The following CDC5L variants were observed in gnomAD, a reference collection of about 807,000 sequenced individuals.
The protein encoded by CDC5L is cell division cycle 5-like protein.
In CDC5L, 18 loss-of-function variants were observed where a neutral mutation model predicts 104.1. That is an observed-to-expected ratio of 0.17 (90% CI 0.12 to 0.26). The LOEUF (loss-of-function observed/expected upper bound fraction) is 0.26. Ranked by LOEUF, CDC5L falls within the 10% of genes least tolerant of loss-of-function variation. The probability of loss-of-function intolerance (pLI) is 1.00; values close to 1 mark genes in which losing one functional copy is unlikely to be tolerated. For missense variants in CDC5L, 673 were observed against 956.9 expected (o/e 0.70, Z 3.91); for synonymous variants, 331 against 322.7 (o/e 1.03, Z -0.28).
intron 4 of CDC5L, among the ~76,000 whole-genome samples, chr6:44,395,754 A>T (rs1449464921): frequency 2.0e-5 from 3 of 152,172 alleles, no homozygotes; most frequent in Non-Finnish European, 4.4e-5. Context: ...AGTATTTTAC[A>T]AGTTCCCATG....
chr6:44,435,538 A>G (rs979835474), intron 14 of CDC5L: 1 of 153,484 alleles, frequency 6.5e-6, no homozygotes, highest in African/African-American at 2.4e-5. Flanking sequence ...TCCACAGCTT[A>G]AATTTTTTCA....
chr6:44,412,011 A>G (rs1459324116), intron 8 of CDC5L, among the ~76,000 whole-genome samples: 1 of 152,178 alleles, frequency 6.6e-6, no homozygotes, highest in African/African-American at 2.4e-5. Context: ...AGTCCAGAAT[A>G]CAGACAGGAA....
chr6:44,430,865 C>T (rs560971844), intron 14 of CDC5L, among the ~76,000 whole-genome samples: 4 of 152,148 alleles, frequency 2.6e-5, no homozygotes, highest in African/African-American at 9.7e-5. Context: ...GCCACCATGC[C>T]CGGCTATGCC....
intron 8 of CDC5L, among the ~76,000 whole-genome samples, chr6:44,409,770 G>A (rs116936320): frequency 6.6e-6 from 1 of 152,204 alleles, no homozygotes; most frequent in East Asian, 1.9e-4. Flanking sequence ...CTTGTTTATA[G>A]CTTGTTCTTT....
At chr6:44,414,584 C>T (rs1791827482) in intron 8 of CDC5L, among the ~76,000 whole-genome samples, 1 of 151,818 alleles carries the variant, frequency 6.6e-6, no homozygotes, top group Non-Finnish European at 1.5e-5. Context: ...GATTCTCCCA[C>T]CCGAGTCTCC....
At chr6:44,436,288 G>A (rs1284612425) in intron 14 of CDC5L, among the ~76,000 whole-genome samples, 2 of 152,060 alleles carry the variant, frequency 1.3e-5, no homozygotes, top group Non-Finnish European at 2.9e-5. Flanking sequence ...TTAAACAATC[G>A]GGTGGCTAAG....
At chr6:44,405,183 A>G (rs1791310133) in intron 6 of CDC5L, among the ~76,000 whole-genome samples, 1 of 152,176 alleles carries the variant, frequency 6.6e-6, no homozygotes, top group African/African-American at 2.4e-5. Context: ...TGAATATTGT[A>G]GGGAGAGTAT....
chr6:44,443,807 A>G (rs982509112), intron 14 of CDC5L, among the ~76,000 whole-genome samples: 4 of 145,068 alleles, frequency 2.8e-5, no homozygotes, highest in South Asian at 2.2e-4. Context: ...TAAATCATAT[A>G]TCTCCAGTTC....
intron 4 of CDC5L, among the ~76,000 whole-genome samples, chr6:44,395,105 G>T (rs956954409): frequency 6.6e-6 from 1 of 152,166 alleles, no homozygotes; most frequent in Non-Finnish European, 1.5e-5. Context: ...AGATGCCAGA[G>T]GCTGGGTATG....
At chr6:44,392,579 TGA>T in intron 2 of CDC5L, 86 bp from the exon 3 acceptor site, 1 of 1,163,006 alleles carries the variant, frequency 8.6e-7, no homozygotes, top group Non-Finnish European at 1.2e-6. Context: ...AATTGAAGGA[TGA>T]GAGCACAAGT....
At chr6:44,432,179 A>G (rs1792717048) in intron 14 of CDC5L, among the ~76,000 whole-genome samples, 1 of 152,246 alleles carries the variant, frequency 6.6e-6, no homozygotes, top group East Asian at 1.9e-4. Flanking sequence ...TAGTTTTTGA[A>G]GACACAGTTC....
intron 5 of CDC5L, among the ~76,000 whole-genome samples, chr6:44,400,989 T>C (rs1358834951): frequency 6.6e-6 from 1 of 152,168 alleles, no homozygotes; most frequent in African/African-American, 2.4e-5. Flanking sequence ...CCAGCTCTTA[T>C]TCCCTGTTTC....
rs36064417 is a variant in CDC5L at position 44,393,572 on chromosome 6, G to A, written c.438G>A (p.Glu146=). The part of the protein sequence containing the change: ...PARPDPIDMD[E]DELEMLSEAR... ...GGCCTGATCCAATTGATATGGATGAGGGTAAGTGTATGCTTTGAGGAATTT... is the reference window on the plus strand; with the variant it reads ...GGCCTGATCCAATTGATATGGATGAAGGTAAGTGTATGCTTTGAGGAATTT... Residue 146 remains glutamate (E), a splice_region_variant and synonymous_variant, in exon 4 of 16, where the codon GAG becomes GAA. Transcript: ENST00000371477. 18,490 of 1,612,410 alleles carry A rather than the reference G, an allele frequency of 0.011. 137 individuals carry two copies. The highest frequency in any genetic ancestry group is 0.015 in the Middle Eastern group (89 of 6,046).
At chr6:44,438,693 C>CT (rs1325143296) in intron 14 of CDC5L, among the ~76,000 whole-genome samples, 4 of 124,762 alleles carry the variant, frequency 3.2e-5, no homozygotes, top group Non-Finnish European at 6.5e-5. Flanking sequence ...TTTTTAAACT[C>CT]TAACTCCATC....
intron 8 of CDC5L, among the ~76,000 whole-genome samples, chr6:44,416,965 A>AT (rs1287468408): frequency 3.9e-5 from 6 of 152,114 alleles, no homozygotes; most frequent in Non-Finnish European, 7.4e-5. Context: ...GAAATTCAAG[A>AT]TTTTTTTTCA....
At chr6:44,429,581 C>G in intron 13 of CDC5L, 132 bp from the exon 14 acceptor site, 1 of 677,558 alleles carries the variant, frequency 1.5e-6, no homozygotes, top group Non-Finnish European at 2.5e-6. Context: ...TGTTATCCAC[C>G]CTTCCAAAAA....
intron 8 of CDC5L, among the ~76,000 whole-genome samples, chr6:44,409,209 A>G (rs1791519350): frequency 6.6e-6 from 1 of 152,226 alleles, no homozygotes; most frequent in South Asian, 2.1e-4. Flanking sequence ...CAAGAAAAAC[A>G]CTTGTGCCCC....
rs1793575342 is a variant in CDC5L, at chr6:44,449,665, G to A, written c.*2954G>A. The A allele has an allele frequency of 6.6e-6, 1 of 152,044 alleles. No individual in the cohort carries two copies. Among genetic ancestry groups the A allele is most frequent in the Non-Finnish European group, 1.5e-5 (1 of 68,018 alleles). 9.4% of individuals were successfully genotyped at this position (152,044 alleles called of 1,614,324 possible). A position where few individuals can be genotyped will look rare whatever the true frequency, so the allele number is the denominator to read the frequency against. ...CTGAAAGAAACCACCACAAGGGAGA[G>A]TCCTTTTTGAAATATTAGAGACATA... On this transcript the variant is annotated 3_prime_UTR_variant, in exon 16 of 16. Transcript: ENST00000371477.
In CDC5L at chr6:44,447,932, T is replaced by C. The variant is rs1793510169; in HGVS notation, c.*1221T>C. ...AAGTATCAGACCATGAGTTTTAGAT[T>C]CTGTGGAGGAAATTAAAGTAGGGTG... On this transcript the variant is annotated 3_prime_UTR_variant, in exon 16 of 16. Coordinates refer to ENST00000371477, the MANE Select transcript of CDC5L (RefSeq NM_001253.4). 2 of 152,046 alleles carry C rather than the reference T, an allele frequency of 1.3e-5. No individual in the cohort carries two copies. The highest frequency in any genetic ancestry group is 4.2e-4 in the South Asian group (2 of 4,810). 9.4% of individuals were successfully genotyped at this position (152,046 alleles called of 1,614,324 possible). A position where few individuals can be genotyped will look rare whatever the true frequency, so the allele number is the denominator to read the frequency against.
Sources: allele counts gnomAD v4.1 joint callset (sites outside exome capture counted in the v4.1 genomes callset), GRCh38; gene constraint gnomAD v4.1.1; transcripts MANE v1.5; gene names NCBI Gene and HGNC (gene_info 2026-07-23, HGNC 2026-07-21).